The following DBX2 variants were observed in gnomAD, a reference collection of about 807,000 sequenced individuals.
DBX2 encodes the protein developing brain homeobox 2, also known as homeobox protein DBX2.
In DBX2, 16 loss-of-function variants were observed where a neutral mutation model predicts 17.7. The ratio of observed to expected loss-of-function variants is 0.90; its 90% CI spans 0.61 to 1.37. DBX2 has a LOEUF of 1.37. Among genes scored for constraint, DBX2 ranks in the 40% most tolerant of loss-of-function variants. DBX2 has a pLI of 0.00. For synonymous variants in DBX2, 255 were observed against 183.8 expected (o/e 1.39, Z -3.13); for missense variants, 538 against 433.8 (o/e 1.24, Z -2.13).
At chr12:45,021,907 T>TGCAC (rs1946354334) in intron 3 of DBX2, among the ~76,000 whole-genome samples, 1 of 151,998 alleles carries the variant, frequency 6.6e-6, no homozygotes, top group Non-Finnish European at 1.5e-5. Context: ...TTCCACGGGG[T>TGCAC]GTGGAAGCTT....
At chr12:45,025,987 G>A (rs1469849058) in intron 2 of DBX2, among the ~76,000 whole-genome samples, 1 of 151,890 alleles carries the variant, frequency 6.6e-6, no homozygotes, top group Non-Finnish European at 1.5e-5. Context: ...GAGGCTGCAT[G>A]AGGGCAACCA....
Sources: gnomAD v4.1 joint callset for allele counts (sites outside exome capture counted in the v4.1 genomes callset) on GRCh38, gnomAD v4.1.1 for gene constraint, MANE v1.5 for transcripts, NCBI Gene and HGNC (gene_info 2026-07-23, HGNC 2026-07-21) for gene names.